Variants in ANKRD11 observed in about 807,000 individuals in gnomAD.
ANKRD11 encodes the protein ankyrin repeat domain-containing protein 11.
ANKRD11 carries 17 observed loss-of-function variants against 195.7 expected under a neutral mutation model. The ratio of observed to expected loss-of-function variants is 0.09; its 90% confidence interval spans 0.06 to 0.13. The LOEUF (loss-of-function observed/expected upper bound fraction) is 0.13. Among genes scored for constraint, ANKRD11 ranks in the 10% least tolerant of loss-of-function variants. The probability of loss-of-function intolerance (pLI) is 1.00; values close to 1 mark genes in which losing one functional copy is unlikely to be tolerated. For synonymous variants in ANKRD11, 1,953 were observed against 1,528.1 expected (o/e 1.28, Z -6.49); for missense variants, 3,735 against 3,566.1 (o/e 1.05, Z -1.21).
chr16:89,327,719 T>C (rs1012668201), intron 2 of ANKRD11, among the ~76,000 whole-genome samples: 3 of 151,956 alleles, frequency 2.0e-5, no homozygotes, highest in African/African-American at 7.3e-5. Context: ...GACAGTACCA[T>C]TTATAGGTGC....
At chr16:89,317,929 T>C (rs1331720822) in intron 2 of ANKRD11, among the ~76,000 whole-genome samples, 1 of 152,254 alleles carries the variant, frequency 6.6e-6, no homozygotes. Flanking sequence ...AAGCCCTGCC[T>C]GAAACCAGCG....
chr16:89,323,467 G>A (rs1191550083), intron 2 of ANKRD11: 1 of 247,112 alleles, frequency 4.0e-6, no homozygotes, highest in Non-Finnish European at 7.3e-6. Context: ...CAGAGCCGAG[G>A]GCAGGGGGGC....
rs748427842 is a variant in ANKRD11 at position 89,281,665 on chromosome 16, G to T, written c.4877C>A (p.Pro1626Gln). ...GDPKLKEKAK[P>Q]ADDGRKKGLD... ...ACCCTTCTTCCGCCCGTCGTCTGCCGGCTTCGCCTTCTCCTTGAGCTTGGG... is the reference window on the plus strand; with the variant it reads ...ACCCTTCTTCCGCCCGTCGTCTGCCTGCTTCGCCTTCTCCTTGAGCTTGGG... The change falls in exon 9 of 13, where the codon CCG becomes CAG. Residue 1626 changes from proline to glutamine, a missense_variant. Transcript: ENST00000301030. The surrounding 1 kb of genome is among the most constrained non-coding windows in gnomAD (Gnocchi z 5.5). The T allele has an allele frequency of 1.2e-6, 2 of 1,614,142 alleles. No individual in the cohort carries two copies. The highest frequency in any genetic ancestry group is 4.5e-5 in the East Asian group (2 of 44,878).
intron 2 of ANKRD11, among the ~76,000 whole-genome samples, chr16:89,366,005 C>CCA (rs2039932489): frequency 6.6e-6 from 1 of 151,982 alleles, no homozygotes; most frequent in African/African-American, 2.4e-5. Flanking sequence ...ATAAGGGCCT[C>CCA]CAGGCTCTAT....
rs749838170 is a variant in ANKRD11 at position 89,280,845 on chromosome 16, C to T, written c.5697G>A (p.Leu1899=). 2.8e-5 allele frequency: 45 copies of T among 1,602,726 alleles called. No individual in the cohort carries two copies. The highest frequency in any genetic ancestry group is 3.7e-5 in the Non-Finnish European group (43 of 1,171,542). ...GAAGGGCCCCTTCGAGGGAAGGAACCAGCAGCTCGGCTCTGGGGGAAGGGG... is the reference window on the plus strand; with the variant it reads ...GAAGGGCCCCTTCGAGGGAAGGAACTAGCAGCTCGGCTCTGGGGGAAGGGG... ...KPSPSPRAEL[L]VPSLEGALPP... The change falls in exon 9 of 13, where the codon CTG becomes CTA. Residue 1899 remains leucine, a synonymous_variant. Coordinates refer to ENST00000301030, the MANE Select transcript of ANKRD11 (RefSeq NM_013275.6).
At chr16:89,422,712 G>C (rs1241820829) in intron 1 of ANKRD11, among the ~76,000 whole-genome samples, 1 of 152,180 alleles carries the variant, frequency 6.6e-6, no homozygotes, top group African/African-American at 2.4e-5. Context: ...TGGGAAGGAA[G>C]CTGGGCAGAC....
At position 89,341,885 on chromosome 16, in the gene ANKRD11, G is replaced by A. The variant is rs530779967; in HGVS notation, c.-59-24807C>T. Among the ~76,000 whole-genome samples the A allele has an allele frequency of 4.9e-5, 7 of 143,416 alleles. No individual in the cohort carries two copies. In the South Asian group the frequency reaches 1.6e-3, roughly 33 times the overall value. 94.1% of individuals were successfully genotyped at this position (143,416 alleles called of 152,430 possible). A position where few individuals can be genotyped will look rare whatever the true frequency, so the allele number is the denominator to read the frequency against. On this transcript the variant is annotated intron_variant, in intron 2 of 12. Coordinates refer to ENST00000301030, the MANE Select transcript of ANKRD11 (RefSeq NM_013275.6). ...CCACAGCGGCCACGGCCCACGGCAG[G>A]AGTGCTGCACCTCCACCCACAGCGG...
At chr16:89,333,698 T>C (rs1022046232) in intron 2 of ANKRD11, among the ~76,000 whole-genome samples, 2 of 152,242 alleles carry the variant, frequency 1.3e-5, no homozygotes, top group African/African-American at 4.8e-5. Flanking sequence ...GTCTGTCGTC[T>C]GGATGGACCT....
chr16:89,337,007 C>CAAAAAAA lies in ANKRD11; in HGVS notation c.-59-19936_-59-19930dup, dbSNP rs60248736. On this transcript the variant is annotated intron_variant, in intron 2 of 12. Transcript: ENST00000301030. ...CAACATGGTGAAACCCTGGCTCTAC[C>CAAAAAAA]AAAAAAAAAAAAAAAAAAAAAAAAA... Among the ~76,000 whole-genome samples the CAAAAAAA allele has an allele frequency of 2.1e-3, 100 of 47,750 alleles. 5 individuals are homozygous for CAAAAAAA. The highest frequency in any genetic ancestry group is 3.1e-3 in the Non-Finnish European group (82 of 26,776). The allele number at this position is 47,750 out of a possible 152,430, so 31.3% of individuals were successfully genotyped here.
chr16:89,445,404 G>C (rs1192450755), intron 1 of ANKRD11, among the ~76,000 whole-genome samples: 1 of 152,112 alleles, frequency 6.6e-6, no homozygotes, highest in African/African-American at 2.4e-5. Context: ...TGGGGCGTAA[G>C]ATGCTACCCC....
chr16:89,338,408 T>G (rs1189336257), intron 2 of ANKRD11, among the ~76,000 whole-genome samples: 1 of 143,060 alleles, frequency 7.0e-6, no homozygotes, highest in Non-Finnish European at 1.5e-5. Flanking sequence ...AATCCTGTAC[T>G]TAACATACAC....
intron 4 of ANKRD11, chr16:89,298,299 G>GT (rs1394403159): frequency 2.0e-5 from 3 of 152,286 alleles, no homozygotes; most frequent in Admixed American, 2.0e-4. Context: ...AAATAAACAA[G>GT]ATCAACGTCC....
intron 1 of ANKRD11, among the ~76,000 whole-genome samples, chr16:89,463,909 A>G (rs1372612507): frequency 1.3e-5 from 2 of 152,198 alleles, no homozygotes; most frequent in African/African-American, 4.8e-5. Flanking sequence ...CTGCAATTCT[A>G]TTTACAAAAA....
chr16:89,412,697 C>G (rs2042147984), intron 2 of ANKRD11: 1 of 151,810 alleles, frequency 6.6e-6, no homozygotes. Flanking sequence ...CCCTCAGATA[C>G]AAAAACATAG....
chr16:89,341,198 G>A (rs2038638125), intron 2 of ANKRD11, among the ~76,000 whole-genome samples: 1 of 152,196 alleles, frequency 6.6e-6, no homozygotes, highest in Non-Finnish European at 1.5e-5. Flanking sequence ...AGATGGGTGA[G>A]ATCCGCGGAG....
intron 1 of ANKRD11, among the ~76,000 whole-genome samples, chr16:89,434,614 C>CTTTATATTGTGA (rs2043136930): frequency 1.3e-5 from 2 of 152,152 alleles, no homozygotes; most frequent in African/African-American, 4.8e-5. Context: ...ACAATCCATG[C>CTTTATATTGTGA]CTATAAATTC....
chr16:89,490,000 C>G (rs1400595659), intron 1 of ANKRD11, among the ~76,000 whole-genome samples: 1 of 110,500 alleles, frequency 9.0e-6, no homozygotes, highest in Non-Finnish European at 1.9e-5. Context: ...ACGGCCACCC[C>G]GGGCCCCCAA....
At position 89,283,285 on chromosome 16, in the gene ANKRD11, T is replaced by C; in HGVS notation, c.3257A>G (p.Lys1086Arg). 3 of 1,614,198 alleles carry C rather than the reference T, an allele frequency of 1.9e-6. No individual in the cohort carries two copies. The highest frequency in any genetic ancestry group is 1.7e-5 in the Admixed American group (1 of 60,034). Residue 1086 changes from lysine to arginine, a missense_variant, in exon 9 of 13, where the codon AAG becomes AGG. By Grantham distance (26) the Lys-to-Arg change is conservative. Coordinates refer to ENST00000301030, the MANE Select transcript of ANKRD11 (RefSeq NM_013275.6). This position sits in a 1 kb window ranked among gnomAD's most constrained non-coding sequence, Gnocchi z 4.3. ...RKASLDQGKEKKEKAFPGIIS... is the reference protein window; with the variant it reads ...RKASLDQGKERKEKAFPGIIS... Reference sequence around the variant, plus strand: ...GATCCCAGGGAAAGCCTTCTCCTTCTTCTCTTTCCCTTGGTCGAGAGACGC... The same window carrying C: ...GATCCCAGGGAAAGCCTTCTCCTTCCTCTCTTTCCCTTGGTCGAGAGACGC...
intron 2 of ANKRD11, among the ~76,000 whole-genome samples, chr16:89,370,487 G>A (rs1473887289): frequency 6.6e-6 from 1 of 152,152 alleles, no homozygotes; most frequent in Non-Finnish European, 1.5e-5. Context: ...AGGGCCTTGA[G>A]GCAAATTCCC....
Sources: gnomAD v4.1 joint callset for allele counts (sites outside exome capture counted in the v4.1 genomes callset) on GRCh38, gnomAD v4.1.1 for gene constraint, Gnocchi (gnomAD v3.1) non-coding constraint, MANE v1.5 for transcripts, NCBI Gene and HGNC (gene_info 2026-07-23, HGNC 2026-07-21) for gene names.